ZNF679: variants seen among roughly 807,000 people sequenced by gnomAD.
ZNF679 encodes zinc finger protein 679.
A neutral mutation model predicts 13.4 loss-of-function variants in ZNF679; 10 were observed. The observed-to-expected ratio is 0.75, with a 90% CI of 0.46 to 1.27. The LOEUF is 1.27. Ranked by LOEUF, ZNF679 falls within the 50% of genes most tolerant of loss-of-function variation. The probability of loss-of-function intolerance (pLI) is 0.00; values close to 1 mark genes in which losing one functional copy is unlikely to be tolerated. For missense variants in ZNF679, 525 were observed against 477.8 expected (o/e 1.10, Z -0.92); for synonymous variants, 179 against 162.5 (o/e 1.10, Z -0.77).
In ZNF679 at chr7:64,266,170, T is replaced by C. The variant is rs746711939; in HGVS notation, c.537T>C (p.Thr179=). 4 of 1,598,624 alleles carry C rather than the reference T, an allele frequency of 2.5e-6. No individual in the cohort carries two copies. The highest frequency in any genetic ancestry group is 2.3e-5 in the East Asian group (1 of 44,268). Residue 179 remains threonine, a synonymous_variant, in exon 5 of 5, where the codon ACT becomes ACC. Coordinates refer to ENST00000421025, the MANE Select transcript of ZNF679 (RefSeq NM_153363.3). ...CCAATAGACATAAGACAAGACATAC[T>C]GGAAAGAAACATTTCAAATGTAAAA... The part of the protein sequence containing the change: ...SNSNRHKTRH[T]GKKHFKCKKY...
intron 1 of ZNF679, among the ~76,000 whole-genome samples, chr7:64,246,259 T>C (rs910679051): frequency 1.3e-5 from 2 of 152,188 alleles, no homozygotes; most frequent in African/African-American, 4.8e-5. Context: ...CCAATCCCAT[T>C]CTTTACCCAG....
intron 1 of ZNF679, among the ~76,000 whole-genome samples, chr7:64,238,637 C>T (rs144641219): frequency 0.026 from 3,997 of 152,314 alleles, 80 homozygotes; most frequent in Non-Finnish European, 0.038. Context: ...ATCCATCTGC[C>T]TTGGCCTCCC....
chr7:64,260,749 A>G, intron 3 of ZNF679, 85 bp from the exon 4 acceptor site: 9 of 1,339,862 alleles, frequency 6.7e-6, no homozygotes, highest in Non-Finnish European at 9.0e-6. Flanking sequence ...ATTTTCTATT[A>G]TATCCTCTTT....
chr7:64,265,735 T>A (rs1437067202), intron 4 of ZNF679, among the ~76,000 whole-genome samples, 161 bp from the exon 5 acceptor site: 1 of 152,238 alleles, frequency 6.6e-6, no homozygotes, highest in African/African-American at 2.4e-5. Flanking sequence ...TTGATCACTA[T>A]GTTTTTGTTA....
chr7:64,231,575 A>G (rs1458920854), intron 1 of ZNF679, among the ~76,000 whole-genome samples: 2 of 152,210 alleles, frequency 1.3e-5, no homozygotes, highest in African/African-American at 4.8e-5. Context: ...ATATGTCACA[A>G]TCTTCAGTGG....
chr7:64,248,998 T>C, intron 1 of ZNF679, 30 bp from the exon 2 acceptor site: 2 of 1,453,004 alleles, frequency 1.4e-6, no homozygotes, highest in East Asian at 4.9e-5. Flanking sequence ...TCCGTAATTT[T>C]CCGGGTCCTT....
intron 2 of ZNF679, among the ~76,000 whole-genome samples, chr7:64,259,792 G>A (rs546259569): frequency 6.6e-6 from 1 of 152,216 alleles, no homozygotes; most frequent in South Asian, 2.1e-4. Context: ...GCCACGCATG[G>A]TGGCTCACGC....
Position 64,249,134 on chromosome 7 carries a change from G to A in ZNF679, c.17G>A (p.Gly6Glu). The change falls in exon 2 of 5, where the codon GGA (glycine) becomes GAA (glutamate). Residue 6 changes from glycine to glutamate, a missense_variant. Physicochemically the swap from Gly to Glu is moderately conservative, Grantham distance 98. Transcript: ENST00000421025. ...CGCAGATTTATGGCTAAAAGACCGG[G>A]ATCCCCTGGAAGCCGAGAAATGGTG... MAKRP[G>E]SPGSREMGLL... The A allele has an allele frequency of 1.2e-6, 2 of 1,614,158 alleles. No homozygotes were observed. The highest frequency in any genetic ancestry group is 4.5e-5 in the East Asian group (2 of 44,874).
chr7:64,247,276 A>C (rs1181172641), intron 1 of ZNF679, among the ~76,000 whole-genome samples: 2 of 152,152 alleles, frequency 1.3e-5, no homozygotes, highest in East Asian at 3.9e-4. Flanking sequence ...GCCCGACCTC[A>C]TGGAAATGCA....
At chr7:64,238,138 CT>C (rs1787751680) in intron 1 of ZNF679, among the ~76,000 whole-genome samples, 1 of 152,108 alleles carries the variant, frequency 6.6e-6, no homozygotes, top group African/African-American at 2.4e-5. Flanking sequence ...AAGTTTTTAT[CT>C]TTCCCCCAGA....
intron 1 of ZNF679, among the ~76,000 whole-genome samples, chr7:64,234,191 G>A (rs1005023189): frequency 6.6e-6 from 1 of 152,208 alleles, no homozygotes; most frequent in African/African-American, 2.4e-5. Context: ...AGAGGAAGGA[G>A]GAACCTGACC....
chr7:64,232,222 G>A (rs970711722), intron 1 of ZNF679, among the ~76,000 whole-genome samples: 5 of 152,238 alleles, frequency 3.3e-5, no homozygotes, highest in African/African-American at 9.6e-5. Flanking sequence ...GTATGCATGT[G>A]TTGAGGGTGA....
intron 1 of ZNF679, among the ~76,000 whole-genome samples, chr7:64,237,724 A>G (rs189006389): frequency 1.0e-3 from 156 of 152,338 alleles, no homozygotes; most frequent in Non-Finnish European, 1.6e-3. Flanking sequence ...CACACCAGTG[A>G]CGGGCACCAT....
Position 64,266,898 on chromosome 7 carries a change from T to A in ZNF679, c.*29T>A, listed in dbSNP as rs776929753. The A allele has an allele frequency of 2.6e-5, 39 of 1,489,912 alleles. No individual in the cohort carries two copies. The East Asian group carries it at 8.6e-4, about 33-fold the overall frequency. The allele number at this position is 1,489,912 out of a possible 1,614,324, so 92.3% of individuals were successfully genotyped here. A position where few individuals can be genotyped will look rare whatever the true frequency, so the allele number is the denominator to read the frequency against. On this transcript the variant is annotated 3_prime_UTR_variant, in exon 5 of 5. Transcript: ENST00000421025. ...GATAAAGTCCAGCCTTCAGACCTTA[T>A]AATACATAAAATAATTTATACTTGA...
At chr7:64,252,235 C>G (rs1201675999) in intron 2 of ZNF679, among the ~76,000 whole-genome samples, 1 of 152,144 alleles carries the variant, frequency 6.6e-6, no homozygotes, top group Non-Finnish European at 1.5e-5. Flanking sequence ...TCAGACGTGT[C>G]TGTGTTCCAA....
intron 4 of ZNF679, 34 bp from the exon 5 acceptor site, chr7:64,265,862 A>G (rs754448482): frequency 1.3e-6 from 2 of 1,596,674 alleles, no homozygotes; most frequent in Non-Finnish European, 1.7e-6. Flanking sequence ...TGGGTGTAGT[A>G]AGTGAAGTAA....
At chr7:64,235,316 T>A in intron 1 of ZNF679, among the ~76,000 whole-genome samples, 1 of 135,724 alleles carries the variant, frequency 7.4e-6, no homozygotes. Context: ...AGAAACAACA[T>A]ACAATAACTT....
At chr7:64,247,420 T>C (rs1309763754) in intron 1 of ZNF679, among the ~76,000 whole-genome samples, 2 of 152,196 alleles carry the variant, frequency 1.3e-5, no homozygotes, top group Non-Finnish European at 2.9e-5. Context: ...AAAGGTAAAA[T>C]ACAAGGTTAC....
chr7:64,230,639 C>T (rs1047845472), intron 1 of ZNF679, among the ~76,000 whole-genome samples: 2 of 152,088 alleles, frequency 1.3e-5, no homozygotes, highest in African/African-American at 2.4e-5. Context: ...GTGTTTTATC[C>T]AGGCAAAATA....
Sources: gnomAD v4.1 joint callset for allele counts (sites outside exome capture counted in the v4.1 genomes callset) on GRCh38, gnomAD v4.1.1 for gene constraint, MANE v1.5 for transcripts, NCBI Gene and HGNC (gene_info 2026-07-23, HGNC 2026-07-21) for gene names.